GABRA3: variants seen among roughly 807,000 people sequenced by gnomAD.
GABRA3 encodes gamma-aminobutyric acid type A receptor subunit alpha3, also known as gamma-aminobutyric acid receptor subunit alpha-3.
GABRA3 carries 10 observed loss-of-function variants against 30.1 expected under a neutral mutation model. That is an observed-to-expected ratio of 0.33 (90% CI 0.20 to 0.56). The LOEUF is 0.56. Among genes scored for constraint, GABRA3 ranks in the 20% least tolerant of loss-of-function variants. The pLI, the probability that GABRA3 is intolerant of heterozygous loss-of-function variation, is 0.89. For synonymous variants in GABRA3, 151 were observed against 146.8 expected (o/e 1.03, Z -0.21); for missense variants, 233 against 392.0 (o/e 0.59, Z 3.42).
intron 2 of GABRA3, among the ~76,000 whole-genome samples, chrX:152,349,267 A>G (rs1391297236): frequency 9.0e-6 from 1 of 110,958 alleles, no homozygotes; most frequent in Non-Finnish European, 1.9e-5. Context: ...GCAGCAATTC[A>G]GTCACAACTT....
intron 2 of GABRA3, among the ~76,000 whole-genome samples, chrX:152,347,603 C>A (rs1940410549): frequency 9.0e-6 from 1 of 110,929 alleles, no homozygotes; most frequent in South Asian, 3.8e-4. Context: ...AATATATATA[C>A]CTATGATGTA....
chrX:152,364,641 G>C, intron 1 of GABRA3, 45 bp from the exon 2 acceptor site: 1 of 943,020 alleles, frequency 1.1e-6, no homozygotes, highest in South Asian at 2.6e-5. Flanking sequence ...GTAGAGAGTA[G>C]AAAACAAAGG....
At chrX:152,399,546 A>G (rs1929742300) in intron 1 of GABRA3, among the ~76,000 whole-genome samples, 1 of 111,772 alleles carries the variant, frequency 8.9e-6, no homozygotes, top group Admixed American at 9.5e-5. Flanking sequence ...ATAAGAGGAG[A>G]GTGGATAGAA....
chrX:152,253,828 C>T (rs912045402), intron 5 of GABRA3, among the ~76,000 whole-genome samples: 1 of 111,344 alleles, frequency 9.0e-6, no homozygotes, highest in African/African-American at 3.3e-5. Context: ...TCTGCCTCTA[C>T]CTATCCACCT....
At chrX:152,234,239 AAAAT>A (rs1396378879) in intron 5 of GABRA3, among the ~76,000 whole-genome samples, 1 of 110,923 alleles carries the variant, frequency 9.0e-6, no homozygotes, top group Non-Finnish European at 1.9e-5. Context: ...CCCCTCAAAA[AAAAT>A]AAATAAAATA....
chrX:152,424,928 C>CTTT (rs747255822), intron 1 of GABRA3, among the ~76,000 whole-genome samples: 54 of 42,299 alleles, frequency 1.3e-3, no homozygotes, highest in East Asian at 3.7e-3. Context: ...TTTTTCTTTT[C>CTTT]TTTTTTTTTT....
intron 6 of GABRA3, among the ~76,000 whole-genome samples, chrX:152,222,240 C>T (rs1276560171): frequency 1.8e-5 from 2 of 108,394 alleles, no homozygotes; most frequent in African/African-American, 6.7e-5. Flanking sequence ...GACCCACACG[C>T]TTTTTACTTG....
intron 1 of GABRA3, among the ~76,000 whole-genome samples, chrX:152,384,736 G>T (rs747222263): frequency 4.5e-5 from 5 of 111,943 alleles, no homozygotes; most frequent in Non-Finnish European, 9.4e-5. Flanking sequence ...ACCTATAAAG[G>T]AAGCAACTGT....
chrX:152,345,665 T>C lies in GABRA3; in HGVS notation c.178A>G (p.Ser60Gly). 8.3e-7 allele frequency: 1 copy of C among 1,204,053 alleles called. No individual in the cohort carries two copies. Among genetic ancestry groups the C allele is most frequent in the Non-Finnish European group, 1.1e-6 (1 of 892,065 alleles). The change falls in exon 3 of 10, where the codon AGC becomes GGC. Residue 60 changes from serine to glycine, a missense_variant. This residue lies in a region of GABRA3 where 69 missense variants were observed against 79.4 expected (regional missense o/e 0.87). Transcript: ENST00000370314. ...PKHAPDIPDD[S>G]TDNITIFTRI... ...GTGAAGATAGTGATGTTGTCAGTGC[T>C]GTCATCAGGAATATCTGGGGCATGC...
chrX:152,308,290 G>A (rs1939749771), intron 3 of GABRA3, among the ~76,000 whole-genome samples: 1 of 112,778 alleles, frequency 8.9e-6, no homozygotes, highest in Non-Finnish European at 1.9e-5. Context: ...TGCTTTGCTG[G>A]CATGCATGTG....
chrX:152,177,681 G>C (rs1937092147), intron 9 of GABRA3, among the ~76,000 whole-genome samples: 1 of 111,857 alleles, frequency 8.9e-6, no homozygotes, highest in African/African-American at 3.2e-5. Flanking sequence ...GCAATGCCTG[G>C]TAAATGGGAC....
chrX:152,271,819 G>A (rs1311232245), intron 4 of GABRA3, among the ~76,000 whole-genome samples: 2 of 111,631 alleles, frequency 1.8e-5, no homozygotes, highest in Non-Finnish European at 3.8e-5. Context: ...CACTCCAGCT[G>A]TGTCTAAAAA....
chrX:152,394,911 A>G (rs1372941277), intron 1 of GABRA3, among the ~76,000 whole-genome samples: 2 of 111,550 alleles, frequency 1.8e-5, no homozygotes, highest in East Asian at 5.7e-4. Context: ...ATAAGATGCC[A>G]AAAAGCATGT....
rs1937908104 is a variant in GABRA3, at chrX:152,224,857, G to A, written c.552-12C>T. On this transcript the variant is annotated splice_polypyrimidine_tract_variant and intron_variant, in intron 5 of 9. Coordinates refer to ENST00000370314, the MANE Select transcript of GABRA3 (RefSeq NM_000808.4). ...CATGAATTGTTAACCTAAAAGAAAG[G>A]CAAACAGAAAATGAAATTAAGCTAA... 18 of 1,119,936 alleles carry A rather than the reference G, an allele frequency of 1.6e-5. No individual in the cohort carries two copies. In the East Asian group the frequency reaches 5.1e-4, roughly 32 times the overall value. 92.3% of individuals were successfully genotyped at this position (1,119,936 alleles called of 1,213,427 possible).
chrX:152,234,508 G>A (rs1938157663), intron 5 of GABRA3, among the ~76,000 whole-genome samples: 1 of 110,968 alleles, frequency 9.0e-6, no homozygotes. Flanking sequence ...TGTTCTCATT[G>A]CACTTCCTTT....
intron 1 of GABRA3, among the ~76,000 whole-genome samples, chrX:152,439,139 A>T (rs200868421): frequency 7.1e-5 from 7 of 97,993 alleles, no homozygotes; most frequent in South Asian, 8.9e-4. Flanking sequence ...TATTATTATT[A>T]TTTTTTGAGA....
intron 1 of GABRA3, among the ~76,000 whole-genome samples, chrX:152,436,756 A>G (rs1168549514): frequency 1.8e-5 from 2 of 111,816 alleles, no homozygotes; most frequent in African/African-American, 6.5e-5. Context: ...CACCAAAGAC[A>G]TAAATCAAAG....
At chrX:152,282,954 T>C (rs1159357690) in intron 4 of GABRA3, among the ~76,000 whole-genome samples, 1 of 111,866 alleles carries the variant, frequency 8.9e-6, no homozygotes, top group African/African-American at 3.3e-5. Flanking sequence ...TCACTTCATT[T>C]ATCCTTTTAT....
intron 4 of GABRA3, 38 bp from the exon 5 acceptor site, chrX:152,256,036 G>A: frequency 9.7e-7 from 1 of 1,028,422 alleles, no homozygotes; most frequent in Non-Finnish European, 1.4e-6. Context: ...TTTCAGTTGA[G>A]TTCTGGTAAG....
Sources: gnomAD v4.1 joint callset for allele counts (sites outside exome capture counted in the v4.1 genomes callset) on GRCh38, gnomAD v4.1.1 for gene constraint, gnomAD v4.1.1 regional missense constraint, MANE v1.5 for transcripts, NCBI Gene and HGNC (gene_info 2026-07-23, HGNC 2026-07-21) for gene names.